Variants in FNDC3A observed in about 807,000 individuals in gnomAD.
The protein encoded by FNDC3A is fibronectin type-III domain-containing protein 3A.
A neutral mutation model predicts 148.9 loss-of-function variants in FNDC3A; 32 were observed. That is an observed-to-expected ratio of 0.21 (90% CI 0.16 to 0.29). The LOEUF (loss-of-function observed/expected upper bound fraction) is 0.29, where lower values mean the gene tolerates loss of function less well. FNDC3A is among the 10% of genes least tolerant of loss of function. The probability of loss-of-function intolerance (pLI) is 1.00; values close to 1 mark genes in which losing one functional copy is unlikely to be tolerated. For synonymous variants in FNDC3A, 472 were observed against 473.6 expected, an observed-to-expected ratio of 1.00 and a Z score of 0.04; for missense variants, 1,191 against 1,452.8, an observed-to-expected ratio of 0.82 and a Z score of 2.93.
At chr13:49,168,461 T>C (rs1884592259) in intron 9 of FNDC3A, 152 bp from the exon 10 acceptor site, 1 of 505,556 alleles carries the variant, frequency 2.0e-6, no homozygotes, top group Admixed American at 3.6e-5. Flanking sequence ...GTCCTTTTTT[T>C]TTTAACGGTC....
At chr13:49,188,679 C>G (rs770733231) in intron 17 of FNDC3A, 46 bp downstream of exon 17, 1 of 1,262,216 alleles carries the variant, frequency 7.9e-7, no homozygotes, top group Admixed American at 1.7e-5. Flanking sequence ...TAAGTTTGGC[C>G]AAATGGGGTA....
intron 3 of FNDC3A, among the ~76,000 whole-genome samples, chr13:49,110,900 G>A (rs1457145055): frequency 6.6e-6 from 1 of 152,188 alleles, no homozygotes; most frequent in African/African-American, 2.4e-5. Flanking sequence ...GGGGTGGGGA[G>A]CTTCTCAAAT....
intron 25 of FNDC3A, among the ~76,000 whole-genome samples, chr13:49,205,281 TGAAG>T (rs1388296578): frequency 6.6e-6 from 1 of 152,226 alleles, no homozygotes; most frequent in African/African-American, 2.4e-5. Context: ...GAATGGTATA[TGAAG>T]ACACATGGAA....
At chr13:49,174,342 C>T (rs1884916807) in intron 11 of FNDC3A, 93 bp from the exon 12 acceptor site, 1 of 1,002,490 alleles carries the variant, frequency 1.0e-6, no homozygotes. Flanking sequence ...TTAGTATACA[C>T]TTGCTAATAT....
chr13:49,117,073 ACT>A (rs1881015278), intron 4 of FNDC3A, among the ~76,000 whole-genome samples: 1 of 151,900 alleles, frequency 6.6e-6, no homozygotes, highest in Admixed American at 6.5e-5. Flanking sequence ...ATCATATAAG[ACT>A]CTTACTTATC....
intron 2 of FNDC3A, among the ~76,000 whole-genome samples, chr13:49,036,198 G>C (rs1874479099): frequency 6.6e-6 from 1 of 152,076 alleles, no homozygotes; most frequent in Non-Finnish European, 1.5e-5. Flanking sequence ...AGTTTATCAA[G>C]GTGAATAAAT....
chr13:49,009,958 A>G (rs1219670198), intron 2 of FNDC3A, among the ~76,000 whole-genome samples: 8 of 152,164 alleles, frequency 5.3e-5, no homozygotes, highest in Non-Finnish European at 1.2e-4. Context: ...ATTTGTACCC[A>G]TGGGATTTTA....
At chr13:49,129,959 A>G (rs1401437386) in intron 4 of FNDC3A, among the ~76,000 whole-genome samples, 23 of 152,142 alleles carry the variant, frequency 1.5e-4, no homozygotes, top group Admixed American at 1.5e-3. Context: ...GAAAATCAGG[A>G]TTTGCCTTTA....
chr13:49,152,746 C>T (rs565176079), intron 8 of FNDC3A, among the ~76,000 whole-genome samples: 320 of 150,424 alleles, frequency 2.1e-3, no homozygotes, highest in African/African-American at 7.6e-3. Context: ...TCAGTTCCCA[C>T]CTATGAGTGA....
At chr13:49,118,101 C>T (rs999758786) in intron 4 of FNDC3A, among the ~76,000 whole-genome samples, 16 of 152,146 alleles carry the variant, frequency 1.1e-4, no homozygotes, top group African/African-American at 3.9e-4. Context: ...TTTCATTACA[C>T]AGGGTAATCC....
intron 2 of FNDC3A, among the ~76,000 whole-genome samples, chr13:49,040,725 A>G (rs1874858710): frequency 6.6e-6 from 1 of 152,202 alleles, no homozygotes; most frequent in Non-Finnish European, 1.5e-5. Context: ...TTATGATAGT[A>G]TATTTGTAAA....
chr13:49,073,623 A>C (rs2137774088), intron 2 of FNDC3A, among the ~76,000 whole-genome samples: 1 of 150,326 alleles, frequency 6.7e-6, no homozygotes, highest in Non-Finnish European at 1.5e-5. Context: ...TTTTGTGTTT[A>C]GACTTGGGTC....
At chr13:48,975,331 G>T (rs1951580040), upstream of FNDC3A, 1 of 152,146 alleles carries the variant, frequency 6.6e-6, no homozygotes. Flanking sequence ...TGAGGTCGTG[G>T]TTTTCCACGC....
chr13:49,056,450 A>G (rs901149581), intron 2 of FNDC3A, among the ~76,000 whole-genome samples: 1 of 152,128 alleles, frequency 6.6e-6, no homozygotes, highest in Non-Finnish European at 1.5e-5. Context: ...TTCTTTATTC[A>G]TCTAGAGACT....
chr13:49,163,379 C>T (rs1185735154), intron 8 of FNDC3A, among the ~76,000 whole-genome samples: 1 of 152,150 alleles, frequency 6.6e-6, no homozygotes, highest in Non-Finnish European at 1.5e-5. Context: ...CCTGGCAGTT[C>T]GATCTCAGAC....
chr13:48,989,942 G>A (rs891300535), intron 1 of FNDC3A, among the ~76,000 whole-genome samples: 1 of 151,954 alleles, frequency 6.6e-6, no homozygotes, highest in African/African-American at 2.4e-5. Flanking sequence ...AGTAGAGATG[G>A]AGTTTCACCA....
At chr13:49,034,138 T>A (rs1280457486) in intron 2 of FNDC3A, among the ~76,000 whole-genome samples, 1 of 152,048 alleles carries the variant, frequency 6.6e-6, no homozygotes, top group East Asian at 1.9e-4. Flanking sequence ...ATTTAGAGTT[T>A]TTATAATTTG....
At chr13:49,109,522 C>A (rs910776681) in intron 3 of FNDC3A, among the ~76,000 whole-genome samples, 3 of 152,146 alleles carry the variant, frequency 2.0e-5, no homozygotes, top group African/African-American at 7.2e-5. Context: ...TCTGAAGTTA[C>A]ATAGCACCAT....
At chr13:49,172,589 C>T (rs1217748343) in intron 11 of FNDC3A, among the ~76,000 whole-genome samples, 3 of 152,284 alleles carry the variant, frequency 2.0e-5, no homozygotes, top group East Asian at 1.9e-4. Context: ...TTCATGGCCA[C>T]ATCACATTGC....
Sources: allele counts gnomAD v4.1 joint callset (sites outside exome capture counted in the v4.1 genomes callset), GRCh38; gene constraint gnomAD v4.1.1; transcripts MANE v1.5; gene names NCBI Gene and HGNC (gene_info 2026-07-23, HGNC 2026-07-21).